WDR17: variants seen among roughly 807,000 people sequenced by gnomAD.
WDR17 encodes the protein WD repeat-containing protein 17.
WDR17 carries 143 observed loss-of-function variants against 161.7 expected under a neutral mutation model. The observed-to-expected ratio is 0.88, with a 90% confidence interval of 0.77 to 1.02. The LOEUF is 1.02. Among genes scored for constraint, WDR17 ranks in the 50% least tolerant of loss-of-function variants. The pLI, the probability that WDR17 is intolerant of heterozygous loss-of-function variation, is 0.00. For synonymous variants in WDR17, 517 were observed against 515.6 expected, an observed-to-expected ratio of 1.00 and a Z score of -0.04; for missense variants, 1,469 against 1,520.9, an observed-to-expected ratio of 0.97 and a Z score of 0.57.
intron 18 of WDR17, 143 bp from the exon 19 acceptor site, chr4:176,159,851 A>G (rs754884533): frequency 2.3e-5 from 16 of 689,366 alleles, no homozygotes; most frequent in Non-Finnish European, 3.3e-5. Flanking sequence ...TAATTTGATT[A>G]TAAAATGTCT....
Position 176,180,991 on chromosome 4 carries a change from C to T in WDR17, c.*1412C>T, listed in dbSNP as rs992703771. The stretch of plus-strand genomic sequence containing the variant: ...TTATAATATAGATGGTTTTGTTTGA[C>T]TAAAGAATAATCTCATATAACTAGA... On this transcript the variant is annotated 3_prime_UTR_variant, in exon 29 of 29. Coordinates refer to ENST00000508596, the MANE Select transcript of WDR17 (RefSeq NM_181265.4). The T allele has an allele frequency of 1.3e-5, 2 of 152,034 alleles. No homozygotes were observed. The highest frequency in any genetic ancestry group is 2.4e-5 in the African/African-American group (1 of 41,398). 9.4% of individuals were successfully genotyped at this position (152,034 alleles called of 1,614,324 possible).
intron 1 of WDR17, among the ~76,000 whole-genome samples, chr4:176,069,362 A>T (rs577955667): frequency 5.3e-4 from 81 of 152,252 alleles, no homozygotes; most frequent in Middle Eastern, 3.4e-3. Flanking sequence ...ATTCTAATTT[A>T]AAAAATGTAC....
At chr4:176,072,591 C>T (rs1389976398) in intron 1 of WDR17, among the ~76,000 whole-genome samples, 1 of 152,118 alleles carries the variant, frequency 6.6e-6, no homozygotes, top group Non-Finnish European at 1.5e-5. Flanking sequence ...ACAAGAAGAG[C>T]TCAAGTTAGT....
At chr4:176,131,459 T>C in intron 6 of WDR17, 95 bp from the exon 7 acceptor site, 4 of 1,237,874 alleles carry the variant, frequency 3.2e-6, no homozygotes, top group Non-Finnish European at 3.3e-6. Context: ...AATGGTTTAC[T>C]GGTACAGATT....
In WDR17 at chr4:176,115,822, A is replaced by C; in HGVS notation, c.150A>C (p.Lys50Asn). Residue 50 changes from lysine to asparagine, a missense_variant, in exon 3 of 29, where the codon AAA becomes AAC. Transcript: ENST00000508596. The part of the protein sequence containing the change: ...YQLDHRYNEF[K>N]LHAIMSEHKK... ...TGGATCACCGTTATAATGAATTCAA[A>C]CTTCACGCAATTATGTCTGAACATA... 1 of 1,606,962 alleles carries C rather than the reference A, an allele frequency of 6.2e-7. No individual in the cohort carries two copies.
chr4:176,146,179 A>G lies in WDR17; in HGVS notation c.1694+20A>G. On this transcript the variant is annotated intron_variant, in intron 12 of 28. Coordinates refer to ENST00000508596, the MANE Select transcript of WDR17 (RefSeq NM_181265.4). ...TGATGGGTATGTATTTTTGGATTCT[A>G]ATTTTCTAGTCCTTAAAATCATAAG... 6.2e-7 allele frequency: 1 copy of G among 1,606,086 alleles called. No individual in the cohort carries two copies. Among genetic ancestry groups the G allele is most frequent in the Middle Eastern group, 1.7e-4 (1 of 6,008 alleles).
intron 1 of WDR17, among the ~76,000 whole-genome samples, chr4:176,071,621 T>A (rs564739144): frequency 2.6e-5 from 4 of 152,308 alleles, no homozygotes; most frequent in South Asian, 4.1e-4. Context: ...GGCCTTTCCC[T>A]TTTCTATTAT....
intron 26 of WDR17, among the ~76,000 whole-genome samples, chr4:176,175,517 T>A (rs939840725): frequency 6.7e-5 from 10 of 150,226 alleles, no homozygotes; most frequent in African/African-American, 2.4e-4. Context: ...ATGCAGAGGG[T>A]CCGTGGTTAA....
chr4:176,166,185 G>C, intron 22 of WDR17: 1 of 662,084 alleles, frequency 1.5e-6, no homozygotes, highest in Non-Finnish European at 2.4e-6. Flanking sequence ...CCTTTAAAAT[G>C]TATATACTCC....
At chr4:176,081,021 G>A (rs75191378) in intron 1 of WDR17, among the ~76,000 whole-genome samples, 6,784 of 152,018 alleles carry the variant, frequency 0.045, 224 homozygotes, top group Non-Finnish European at 0.069. Flanking sequence ...CAATGAATGG[G>A]GCTAAGTTAT....
chr4:176,087,220 G>T (rs1194949290), intron 1 of WDR17, among the ~76,000 whole-genome samples: 4 of 150,444 alleles, frequency 2.7e-5, no homozygotes, highest in African/African-American at 9.8e-5. Context: ...TTTTTTTCTA[G>T]AATGGGTCTA....
intron 23 of WDR17, among the ~76,000 whole-genome samples, chr4:176,172,021 T>G (rs1250796061): frequency 6.6e-6 from 1 of 152,154 alleles, no homozygotes; most frequent in Non-Finnish European, 1.5e-5. Context: ...TGCGCCGTTA[T>G]GGTCAGTATA....
At position 176,110,106 on chromosome 4, in the gene WDR17, C is replaced by T. The variant is rs539604612; in HGVS notation, c.-6-1469C>T. Reference sequence around the variant, plus strand: ...TAGTAGTGTAAATGGAAGATTGTCTCTCATATTAGGAGCTCCTCTCTTTAT... The same window carrying T: ...TAGTAGTGTAAATGGAAGATTGTCTTTCATATTAGGAGCTCCTCTCTTTAT... On this transcript the variant is annotated intron_variant, in intron 1 of 28. Transcript: ENST00000508596. Among the ~76,000 whole-genome samples the T allele has an allele frequency of 8.6e-4, 130 of 152,028 alleles. 3 individuals are homozygous for T. In the Middle Eastern group the frequency reaches 0.017, roughly 20 times the overall value.
At chr4:176,155,545 G>GGTTTTTTTTTTTT (rs1747937484) in intron 17 of WDR17, among the ~76,000 whole-genome samples, 2 of 105,248 alleles carry the variant, frequency 1.9e-5, no homozygotes, top group Non-Finnish European at 3.8e-5. Flanking sequence ...ATTTGTTTGT[G>GGTTTTTTTTTTTT]TTTTTTTTTT....
chr4:176,167,061 C>T (rs904026513), intron 22 of WDR17, among the ~76,000 whole-genome samples: 1 of 152,054 alleles, frequency 6.6e-6, no homozygotes, highest in East Asian at 1.9e-4. Flanking sequence ...TAGTTTGTGA[C>T]GTGTGTGTAT....
intron 1 of WDR17, among the ~76,000 whole-genome samples, chr4:176,088,273 T>C (rs1046348814): frequency 1.3e-5 from 2 of 152,194 alleles, no homozygotes; most frequent in African/African-American, 4.8e-5. Context: ...GCACAGTATA[T>C]ACTTTGTCAC....
chr4:176,139,832 A>G, intron 9 of WDR17, 60 bp from the exon 10 acceptor site: 4 of 1,351,568 alleles, frequency 3.0e-6, no homozygotes, highest in Non-Finnish European at 4.1e-6. Flanking sequence ...AGAAGTAAAT[A>G]TATAAGAGAA....
chr4:176,115,907 A>G lies in WDR17; in HGVS notation c.235A>G (p.Ser79Gly). Residue 79 changes from serine to glycine, a missense_variant, in exon 3 of 29, where the codon AGT becomes GGT. By Grantham distance (56) the Ser-to-Gly change is moderately conservative (BLOSUM62 0). Coordinates refer to ENST00000508596, the MANE Select transcript of WDR17 (RefSeq NM_181265.4). ...TAATCCTGATCTGTTTGCAAGTGGC[A>G]GTACTGATAATTTAGTGATCATTTG... ...PHNPDLFASG[S>G]TDNLVIIWNV... is the part of the protein sequence containing the mutation. 2 of 1,611,462 alleles carry G rather than the reference A, an allele frequency of 1.2e-6. No homozygotes were observed. The highest frequency in any genetic ancestry group is 1.7e-5 in the Admixed American group (1 of 59,722).
chr4:176,131,743 G>A lies in WDR17; in HGVS notation c.1098+5G>A. 1 of 1,595,622 alleles carries A rather than the reference G, an allele frequency of 6.3e-7. No individual in the cohort carries two copies. The highest frequency in any genetic ancestry group is 8.5e-7 in the Non-Finnish European group (1 of 1,172,492). On this transcript the variant is annotated splice_donor_5th_base_variant and intron_variant, in intron 7 of 28. Coordinates refer to ENST00000508596, the MANE Select transcript of WDR17 (RefSeq NM_181265.4). Reference sequence around the variant, plus strand: ...TGGGATTTTCTTAGAGACTTGGTATGTATGTAGTCATTCCTTTATTATACA... The same window carrying A: ...TGGGATTTTCTTAGAGACTTGGTATATATGTAGTCATTCCTTTATTATACA...
Sources: gnomAD v4.1 joint callset for allele counts (sites outside exome capture counted in the v4.1 genomes callset) on GRCh38, gnomAD v4.1.1 for gene constraint, MANE v1.5 for transcripts, NCBI Gene and HGNC (gene_info 2026-07-23, HGNC 2026-07-21) for gene names.